The following SMARCA2 variants were observed in gnomAD, a reference collection of about 807,000 sequenced individuals.
SMARCA2 encodes SWI/SNF related BAF chromatin remodeling complex subunit ATPase 2, also known as SWI/SNF-related matrix-associated actin-dependent regulator of chromatin subfamily A member 2.
SMARCA2 carries 61 observed loss-of-function variants against 199.8 expected under a neutral mutation model. That is an observed-to-expected ratio of 0.31 (90% confidence interval 0.25 to 0.38). The LOEUF is 0.38. Among genes scored for constraint, SMARCA2 ranks in the 10% least tolerant of loss-of-function variants. SMARCA2 has a pLI of 1.00. For synonymous variants in SMARCA2, 935 were observed against 732.0 expected (o/e 1.28, Z -4.48); for missense variants, 1,344 against 2,012.2 (o/e 0.67, Z 6.35).
At position 2,169,910 on chromosome 9, in the gene SMARCA2, C is replaced by CT. The variant is rs1826153496; in HGVS notation, c.4200-508dup. ...ATAGAGCTCTTGGAAGCAGAGCTGA[C>CT]TAGTTAGATGGTGTTCAGACCCAAA... On this transcript the variant is annotated intron_variant, in intron 28 of 33. Transcript: ENST00000349721. The surrounding 1 kb of genome is among the most constrained non-coding windows in gnomAD (Gnocchi z 6.5). Among the ~76,000 whole-genome samples the CT allele has an allele frequency of 6.6e-6, 1 of 152,194 alleles. No homozygotes were observed.
chr9:2,189,496 G>C (rs139136311), intron 32 of SMARCA2, among the ~76,000 whole-genome samples: 5 of 152,092 alleles, frequency 3.3e-5, no homozygotes, highest in African/African-American at 9.7e-5. Context: ...GCCCACACCT[G>C]TATAAATGGA....
intron 27 of SMARCA2, among the ~76,000 whole-genome samples, chr9:2,129,214 C>T (rs1319517281): frequency 1.1e-4 from 17 of 152,188 alleles, no homozygotes; most frequent in South Asian, 4.2e-4. Flanking sequence ...GTCAGGAGAT[C>T]GAGACCATCC....
At chr9:2,185,459 A>G (rs918786945) in intron 31 of SMARCA2, among the ~76,000 whole-genome samples, 15 of 152,224 alleles carry the variant, frequency 9.9e-5, no homozygotes, top group African/African-American at 3.1e-4. Context: ...ATTGTGAATA[A>G]TGCTGCTAGG....
intron 9 of SMARCA2, among the ~76,000 whole-genome samples, chr9:2,067,156 C>T (rs1245947512): frequency 3.3e-5 from 5 of 152,234 alleles, no homozygotes; most frequent in African/African-American, 4.8e-5. Context: ...GAAAGTCACA[C>T]AGAGCACCAA....
intron 12 of SMARCA2, chr9:2,075,000 G>C (rs1289247677): frequency 1.3e-5 from 2 of 152,238 alleles, no homozygotes; most frequent in African/African-American, 4.8e-5. Context: ...ACTGGAAGAA[G>C]CTTCTCTTTG....
At chr9:2,149,654 G>A (rs1475393062) in intron 27 of SMARCA2, among the ~76,000 whole-genome samples, 1 of 151,636 alleles carries the variant, frequency 6.6e-6, no homozygotes, top group African/African-American at 2.4e-5. Context: ...CGCACAACAT[G>A]TGGGAATTAT....
rs1820345059 is a variant in SMARCA2, at chr9:2,056,159, G to A, written c.1174-513G>A. ...AAGATCATTATTGGAGTGGGAAGAA[G>A]CCAAAACTCATATTTCCCATCCTTT... On this transcript the variant is annotated intron_variant, in intron 6 of 33. Transcript: ENST00000349721. The surrounding 1 kb of genome is among the most constrained non-coding windows in gnomAD (Gnocchi z 4.0). Among the ~76,000 whole-genome samples, 1 of 152,158 alleles carries A rather than the reference G, an allele frequency of 6.6e-6. No individual in the cohort carries two copies. Among genetic ancestry groups the A allele is most frequent in the African/African-American group, 2.4e-5 (1 of 41,438 alleles).
At chr9:2,172,996 G>C (rs924323811) in intron 29 of SMARCA2, among the ~76,000 whole-genome samples, 5 of 152,174 alleles carry the variant, frequency 3.3e-5, no homozygotes, top group African/African-American at 1.2e-4. Flanking sequence ...AGTGGCAGTA[G>C]GTAGGAAGAC....
chr9:2,154,392 C>A (rs1360252120), intron 27 of SMARCA2, among the ~76,000 whole-genome samples: 1 of 152,302 alleles, frequency 6.6e-6, no homozygotes, highest in Middle Eastern at 3.4e-3. Context: ...CAGCCTCAAA[C>A]TACTATGCTT....
In SMARCA2 at chr9:2,115,879, C is replaced by T. The variant is rs755071816; in HGVS notation, c.3514C>T (p.Leu1172=). 3 of 1,614,046 alleles carry T rather than the reference C, an allele frequency of 1.9e-6. No individual in the cohort carries two copies. The highest frequency in any genetic ancestry group is 2.2e-5 in the South Asian group (2 of 91,068). Reference sequence around the variant, plus strand: ...CGGGCAGCAGAACGAGGTCCGGGTACTGAGGCTCTGTACCGTGAACAGCGT... The same window carrying T: ...CGGGCAGCAGAACGAGGTCCGGGTATTGAGGCTCTGTACCGTGAACAGCGT... ...RIGQQNEVRV[L]RLCTVNSVEE... The change falls in exon 25 of 34, where the codon CTG becomes TTG. Residue 1172 remains leucine, a synonymous_variant. Coordinates refer to ENST00000349721, the MANE Select transcript of SMARCA2 (RefSeq NM_003070.5). The surrounding 1 kb of genome is among the most constrained non-coding windows in gnomAD (Gnocchi z 6.0).
chr9:2,126,346 C>T (rs559350254), intron 27 of SMARCA2, among the ~76,000 whole-genome samples: 3 of 152,310 alleles, frequency 2.0e-5, no homozygotes, highest in Admixed American at 6.5e-5. Flanking sequence ...ACTGCATGCC[C>T]GTATTTGGTA....
chr9:2,171,537 G>C (rs891967785), intron 29 of SMARCA2, among the ~76,000 whole-genome samples: 3 of 152,176 alleles, frequency 2.0e-5, no homozygotes, highest in African/African-American at 4.8e-5. Flanking sequence ...TCTTATTGCA[G>C]TCCAGTAAAC....
At chr9:2,063,282 A>G (rs1389247640) in intron 9 of SMARCA2, among the ~76,000 whole-genome samples, 2 of 152,172 alleles carry the variant, frequency 1.3e-5, no homozygotes, top group South Asian at 2.1e-4. Flanking sequence ...CGAATTATCC[A>G]GTTCCAGATG....
intron 3 of SMARCA2, chr9:2,033,294 T>C (rs1819157767): frequency 1.2e-5 from 6 of 504,412 alleles, no homozygotes; most frequent in Admixed American, 3.7e-5. Context: ...GTAATTTTAC[T>C]AGCCACCATG....
At chr9:2,145,074 C>T (rs962072317) in intron 27 of SMARCA2, among the ~76,000 whole-genome samples, 16 of 152,142 alleles carry the variant, frequency 1.1e-4, no homozygotes, top group Admixed American at 5.9e-4. Context: ...CCTAGGCGGA[C>T]GGATCACTTG....
At chr9:2,139,139 AC>A (rs1450256826) in intron 27 of SMARCA2, among the ~76,000 whole-genome samples, 1 of 152,184 alleles carries the variant, frequency 6.6e-6, no homozygotes, top group Non-Finnish European at 1.5e-5. Flanking sequence ...ACAGGGGTTT[AC>A]TGTAATCACC....
intron 27 of SMARCA2, among the ~76,000 whole-genome samples, chr9:2,150,547 C>T (rs989200394): frequency 2.6e-5 from 4 of 151,604 alleles, no homozygotes; most frequent in Admixed American, 2.6e-4. Flanking sequence ...AAAGATAAAG[C>T]CTGCCATCGT....
At chr9:2,029,588 C>T (rs1326880543) in intron 2 of SMARCA2, among the ~76,000 whole-genome samples, 2 of 152,226 alleles carry the variant, frequency 1.3e-5, no homozygotes, top group African/African-American at 2.4e-5. Context: ...TGTTAAGTAA[C>T]TTATCCACTA....
intron 6 of SMARCA2, among the ~76,000 whole-genome samples, chr9:2,055,978 C>G (rs1483415192): frequency 1.3e-5 from 2 of 152,130 alleles, no homozygotes; most frequent in African/African-American, 4.8e-5. Flanking sequence ...TTAACTGTAA[C>G]TAATGATATT....
Sources: gnomAD v4.1 joint callset for allele counts (sites outside exome capture counted in the v4.1 genomes callset) on GRCh38, gnomAD v4.1.1 for gene constraint, Gnocchi (gnomAD v3.1) non-coding constraint, MANE v1.5 for transcripts, NCBI Gene and HGNC (gene_info 2026-07-23, HGNC 2026-07-21) for gene names.